The following CLPTM1L variants were observed in gnomAD, a reference collection of about 807,000 sequenced individuals.
CLPTM1L encodes lipid scramblase CLPTM1L.
Under a neutral mutation model 70.9 loss-of-function variants are expected in CLPTM1L, and 38 were observed. The ratio of observed to expected loss-of-function variants is 0.54; its 90% confidence interval spans 0.41 to 0.70. The LOEUF is 0.70. CLPTM1L is among the 30% of genes least tolerant of loss of function. The pLI, the probability that CLPTM1L is intolerant of heterozygous loss-of-function variation, is 0.00. For synonymous variants in CLPTM1L, 339 were observed against 299.9 expected (o/e 1.13, Z -1.35); for missense variants, 652 against 705.9 (o/e 0.92, Z 0.87).
In CLPTM1L at chr5:1,335,047, CG is replaced by C; in HGVS notation, c.796+9del. ...GCCTCACCCAGGCGCCGGCCGTGTG[CG>C]GCACATACCGAACTGCTGCAGGGAG... On this transcript the variant is annotated intron_variant, in intron 6 of 16. Transcript: ENST00000320895. 1.2e-6 allele frequency: 2 copies of C among 1,607,582 alleles called. No homozygotes were observed. The highest frequency in any genetic ancestry group is 2.2e-5 in the South Asian group (2 of 90,972).
At chr5:1,332,514 G>A (rs1182594655) in intron 7 of CLPTM1L, among the ~76,000 whole-genome samples, 1 of 152,224 alleles carries the variant, frequency 6.6e-6, no homozygotes, top group Non-Finnish European at 1.5e-5. Context: ...CTCAGAACCA[G>A]TGCCGGCCGC....
rs574726496 is a variant in CLPTM1L, at chr5:1,337,884, C to G, written c.678+20G>C. On this transcript the variant is annotated intron_variant, in intron 5 of 16. Transcript: ENST00000320895. The stretch of plus-strand genomic sequence containing the variant: ...AGTGTCTCGCCAGCTGCACAACCAG[C>G]GGGCAGAGGTGTCACTCACCATCAG... 5.1e-6 allele frequency: 8 copies of G among 1,569,954 alleles called. No homozygotes were observed. The highest frequency in any genetic ancestry group is 6.9e-6 in the Non-Finnish European group (8 of 1,157,784).
intron 15 of CLPTM1L, among the ~76,000 whole-genome samples, chr5:1,321,423 TGA>T (rs1376909147): frequency 6.6e-6 from 1 of 151,610 alleles, no homozygotes; most frequent in African/African-American, 2.4e-5. Flanking sequence ...CTGTGACAAG[TGA>T]GAGAACCACC....
At chr5:1,339,035 C>T (rs1187289448) in intron 3 of CLPTM1L, 30 bp from the exon 4 acceptor site, 1 of 1,604,010 alleles carries the variant, frequency 6.2e-7, no homozygotes, top group Non-Finnish European at 8.5e-7. Flanking sequence ...GAGGCCAATG[C>T]TGGGACAGAA....
At position 1,341,791 on chromosome 5, in the gene CLPTM1L, A is replaced by G; in HGVS notation, c.333T>C (p.His111=). 1 of 1,614,080 alleles carries G rather than the reference A, an allele frequency of 6.2e-7. No individual in the cohort carries two copies. The highest frequency in any genetic ancestry group is 8.5e-7 in the Non-Finnish European group (1 of 1,180,004). Residue 111 remains histidine, a synonymous_variant, in exon 3 of 17, where the codon CAT becomes CAC. Coordinates refer to ENST00000320895, the MANE Select transcript of CLPTM1L (RefSeq NM_030782.5). ...NGTLYAYIFL[H]HAGVLPWHDG... ...CGTGCCACGGCAGGACCCCAGCGTG[A>G]TGGAGGAAGATGTAGGCATACAGCG...
intron 10 of CLPTM1L, 172 bp from the exon 11 acceptor site, chr5:1,324,985 T>C (rs1018961654): frequency 7.9e-6 from 5 of 630,636 alleles, no homozygotes; most frequent in Non-Finnish European, 1.4e-5. Context: ...GGGATCCGCA[T>C]GGATCCTTCC....
At chr5:1,327,423 C>G (rs550237283) in intron 9 of CLPTM1L, among the ~76,000 whole-genome samples, 2 of 146,568 alleles carry the variant, frequency 1.4e-5, no homozygotes, top group Non-Finnish European at 1.5e-5. Context: ...TCCTCCTCTA[C>G]AGACATATTT....
At chr5:1,324,540 G>A (rs543381452) in intron 11 of CLPTM1L, among the ~76,000 whole-genome samples, 5 of 152,254 alleles carry the variant, frequency 3.3e-5, no homozygotes, top group Non-Finnish European at 5.9e-5. Context: ...CGGTGACACA[G>A]GCAGGCTGTG....
At chr5:1,324,569 T>C (rs570314067) in intron 11 of CLPTM1L, among the ~76,000 whole-genome samples, 194 bp downstream of exon 11, 1 of 152,338 alleles carries the variant, frequency 6.6e-6, no homozygotes, top group Admixed American at 6.5e-5. Flanking sequence ...GACTGGGAAA[T>C]GAGTCTCTGC....
At chr5:1,331,711 A>G (rs1579638226) in intron 8 of CLPTM1L, 88 bp downstream of exon 8, 1 of 1,117,400 alleles carries the variant, frequency 8.9e-7, no homozygotes, top group South Asian at 1.2e-5. Flanking sequence ...GTCTGCAGCC[A>G]GCAGTGAGGC....
At chr5:1,323,738 G>A in intron 12 of CLPTM1L, 49 bp downstream of exon 12, 1 of 1,516,326 alleles carries the variant, frequency 6.6e-7, no homozygotes, top group Non-Finnish European at 9.1e-7. Context: ...CATCCAAATG[G>A]CTTTCTCAGG....
At chr5:1,343,494 A>T (rs771885258) in intron 2 of CLPTM1L, among the ~76,000 whole-genome samples, 12 of 152,244 alleles carry the variant, frequency 7.9e-5, no homozygotes, top group Admixed American at 1.3e-4. Flanking sequence ...GGCAGTATTC[A>T]TGTCTGGGAA....
chr5:1,338,291 C>A (rs1560868400), intron 4 of CLPTM1L: 7 of 442,148 alleles, frequency 1.6e-5, no homozygotes, highest in South Asian at 1.2e-4. Context: ...CCTCTGCGCA[C>A]TGACACGGAG....
In CLPTM1L at chr5:1,318,221, G is replaced by T. The variant is rs1751943606; in HGVS notation, c.*148C>A. 5 of 648,892 alleles carry T rather than the reference G, an allele frequency of 7.7e-6. No individual in the cohort carries two copies. Among genetic ancestry groups the T allele is most frequent in the Non-Finnish European group, 1.1e-5 (4 of 369,170 alleles). 40.2% of individuals were successfully genotyped at this position (648,892 alleles called of 1,614,324 possible). Reference sequence around the variant, plus strand: ...AAGCGCTACCAGCTCCAAATCTGACGTGATGGGAACTTGGGAGATGTCTGA... The same window carrying T: ...AAGCGCTACCAGCTCCAAATCTGACTTGATGGGAACTTGGGAGATGTCTGA... On this transcript the variant is annotated 3_prime_UTR_variant, in exon 17 of 17. Transcript: ENST00000320895. The surrounding 1 kb of genome is among the most constrained non-coding windows in gnomAD (Gnocchi z 8.9).
At chr5:1,338,474 A>G (rs2111250907) in intron 4 of CLPTM1L, among the ~76,000 whole-genome samples, 1 of 152,358 alleles carries the variant, frequency 6.6e-6, no homozygotes, top group South Asian at 2.1e-4. Flanking sequence ...CGTGAATTCC[A>G]ATAATTGTAT....
chr5:1,324,079 G>A (rs1026691052), intron 11 of CLPTM1L: 152 of 572,746 alleles, frequency 2.7e-4, no homozygotes, highest in Middle Eastern at 1.4e-3. Flanking sequence ...GCCAGAGCCC[G>A]GGTGTAACTA....
At chr5:1,331,586 G>A (rs1339872705) in intron 8 of CLPTM1L, 7 of 596,000 alleles carry the variant, frequency 1.2e-5, no homozygotes, top group Admixed American at 5.9e-5. Flanking sequence ...GCCGCTGGAG[G>A]CCCTGAGCCG....
intron 5 of CLPTM1L, among the ~76,000 whole-genome samples, chr5:1,335,431 C>T (rs1318395038): frequency 1.3e-5 from 2 of 152,252 alleles, no homozygotes; most frequent in African/African-American, 4.8e-5. Flanking sequence ...AGTGCCTGGT[C>T]TGTTTTGCTG....
In CLPTM1L at chr5:1,344,383, C is replaced by T; in HGVS notation, c.231G>A (p.Val77=). 6.2e-7 allele frequency: 1 copy of T among 1,613,898 alleles called. No individual in the cohort carries two copies. Among genetic ancestry groups the T allele is most frequent in the African/African-American group, 1.3e-5 (1 of 75,052 alleles). Residue 77 remains valine (V), a synonymous_variant, in exon 2 of 17, where the codon GTG becomes GTA. Transcript: ENST00000320895. ...ATTTGGACTCCACATCAAAGTCTTCCACATTCAAGACCAGGTCGATGTTGT... is the reference window on the plus strand; with the variant it reads ...ATTTGGACTCCACATCAAAGTCTTCTACATTCAAGACCAGGTCGATGTTGT... ...AENNIDLVLN[V]EDFDVESKFE... is the part of the protein sequence containing the mutation.
Sources: allele counts gnomAD v4.1 joint callset (sites outside exome capture counted in the v4.1 genomes callset), GRCh38; gene constraint gnomAD v4.1.1; non-coding constraint Gnocchi (gnomAD v3.1); transcripts MANE v1.5; gene names NCBI Gene and HGNC (gene_info 2026-07-23, HGNC 2026-07-21).